The following NAB2 variants were observed in gnomAD, a reference collection of about 807,000 sequenced individuals.
The protein encoded by NAB2 is NGFI-A-binding protein 2.
Under a neutral mutation model 44.2 loss-of-function variants are expected in NAB2, and 9 were observed. That is an observed-to-expected ratio of 0.20 (90% confidence interval 0.12 to 0.36). The LOEUF (loss-of-function observed/expected upper bound fraction) is 0.36. Among genes scored for constraint, NAB2 ranks in the 10% least tolerant of loss-of-function variants. The pLI is 1.00. For synonymous variants in NAB2, 342 were observed against 291.0 expected, an observed-to-expected ratio of 1.18 and a Z score of -1.78; for missense variants, 514 against 709.0, an observed-to-expected ratio of 0.73 and a Z score of 3.12.
chr12:57,095,017 T>G lies in NAB2; in HGVS notation c.*296T>G. ...CCCTCCCTCACACAACACACTCCCA[T>G]TCTCTTTAGGTTTGCACCAGTGGTG... On this transcript the variant is annotated 3_prime_UTR_variant, in exon 7 of 7. Coordinates refer to ENST00000300131, the MANE Select transcript of NAB2 (RefSeq NM_005967.4). 5.0e-6 allele frequency: 2 copies of G among 397,370 alleles called. No homozygotes were observed. The highest frequency in any genetic ancestry group is 4.2e-5 in the Admixed American group (1 of 23,630). The allele number at this position is 397,370 out of a possible 1,614,324, so 24.6% of individuals were successfully genotyped here.
In NAB2 at chr12:57,089,338, C is replaced by G; in HGVS notation, c.67C>G (p.Leu23Val). 6.4e-7 allele frequency: 1 copy of G among 1,573,714 alleles called. No individual in the cohort carries two copies. The highest frequency in any genetic ancestry group is 1.7e-4 in the Middle Eastern group (1 of 5,974). ...PGGGDSARRT[L>V]QPRLKPSARA... ...CGGAGGGGACAGCGCCCGCCGGACCCTGCAGCCCAGACTCAAGTTAGTGGG... is the reference window on the plus strand; with the variant it reads ...CGGAGGGGACAGCGCCCGCCGGACCGTGCAGCCCAGACTCAAGTTAGTGGG... The change falls in exon 1 of 7, where the codon CTG becomes GTG. Residue 23 changes from leucine to valine, a missense_variant. Around this residue, in one of 5 missense-constraint regions of NAB2, gnomAD observed 56 missense variants for 45.5 expected, o/e 1.23. Transcript: ENST00000300131.
At position 57,091,070 on chromosome 12, in the gene NAB2, T is replaced by G; in HGVS notation, c.84-55T>G. The G allele has an allele frequency of 5.0e-6, 7 of 1,409,468 alleles. No homozygotes were observed. The highest frequency in any genetic ancestry group is 6.7e-6 in the Non-Finnish European group (7 of 1,045,220). 87.3% of individuals were successfully genotyped at this position (1,409,468 alleles called of 1,614,324 possible). A position where few individuals can be genotyped will look rare whatever the true frequency, so the allele number is the denominator to read the frequency against. On this transcript the variant is annotated intron_variant, in intron 1 of 6. Transcript: ENST00000300131. This position sits in a 1 kb window ranked among gnomAD's most constrained non-coding sequence, Gnocchi z 7.3. ...GGGAACAATTGTTAGTGTGGGTTGG[T>G]ACCCAGTAGGGGGACTTGCACCGAC...
Position 57,091,134 on chromosome 12 carries a change from C to T in NAB2, c.93C>T (p.Ala31=). The T allele has an allele frequency of 2.6e-6, 4 of 1,516,096 alleles. No homozygotes were observed. Among genetic ancestry groups the T allele is most frequent in the Non-Finnish European group, 3.5e-6 (4 of 1,131,892 alleles). 93.9% of individuals were successfully genotyped at this position (1,516,096 alleles called of 1,614,324 possible). ...TGCCCCTCCTTCTCAGGCCCAGTGCCCGAGCCATGGCACTGCCTCGGACGC... is the reference window on the plus strand; with the variant it reads ...TGCCCCTCCTTCTCAGGCCCAGTGCTCGAGCCATGGCACTGCCTCGGACGC... ...RTLQPRLKPS[A]RAMALPRTLG... is the part of the protein sequence containing the mutation. The change falls in exon 2 of 7, where the codon GCC becomes GCT. Residue 31 remains alanine, a synonymous_variant. Transcript: ENST00000300131. This position sits in a 1 kb window ranked among gnomAD's most constrained non-coding sequence, Gnocchi z 7.3.
chr12:57,091,729 A>G lies in NAB2; in HGVS notation c.688A>G (p.Thr230Ala). 6.2e-7 allele frequency: 1 copy of G among 1,613,832 alleles called. No individual in the cohort carries two copies. The highest frequency in any genetic ancestry group is 8.5e-7 in the Non-Finnish European group (1 of 1,179,868). Residue 230 changes from threonine (T) to alanine (A), a missense_variant, in exon 2 of 7, where the codon ACT becomes GCT. By Grantham distance (58) the Thr-to-Ala change is moderately conservative. Around this residue, in one of 5 missense-constraint regions of NAB2, gnomAD observed 177 missense variants for 200.5 expected, o/e 0.88. Coordinates refer to ENST00000300131, the MANE Select transcript of NAB2 (RefSeq NM_005967.4). This position sits in a 1 kb window ranked among gnomAD's most constrained non-coding sequence, Gnocchi z 7.3. ...GGCTGGGGGGCTGGCAGCAGGTGGG[A>G]CTGGGGGTGGTCCAGACCGACTGGA... is the stretch of plus-strand genomic sequence containing the variant. ...TGAGGLAAGG[T>A]GGGPDRLEPE...
At chr12:57,094,207 A>G (rs2033277397) in intron 6 of NAB2, among the ~76,000 whole-genome samples, 1 of 142,112 alleles carries the variant, frequency 7.0e-6, no homozygotes, top group South Asian at 2.4e-4. Context: ...TGATTTGGCT[A>G]CCAAAAAACT....
At position 57,092,493 on chromosome 12, in the gene NAB2, A is replaced by G; in HGVS notation, c.1003A>G (p.Thr335Ala). The G allele has an allele frequency of 6.2e-7, 1 of 1,614,126 alleles. No homozygotes were observed. The highest frequency in any genetic ancestry group is 8.5e-7 in the Non-Finnish European group (1 of 1,180,016). The change falls in exon 3 of 7, where the codon ACG (threonine) becomes GCG (alanine). Residue 335 changes from threonine to alanine, a missense_variant. Around this residue, in one of 5 missense-constraint regions of NAB2, gnomAD observed 53 missense variants for 108.5 expected, o/e 0.49. Transcript: ENST00000300131. ...TGCCCAGTTCTGCATGAGGGACAAC[A>G]CGCTCTTATTACGGAGAGTGGAGCT... Reference protein sequence around the residue: ...AAAQFCMRDNTLLLRRVELFS... With the variant: ...AAAQFCMRDNALLLRRVELFS...
chr12:57,091,140 C>T lies in NAB2; in HGVS notation c.99C>T (p.Ala33=), dbSNP rs2033177014. Residue 33 remains alanine (A), a synonymous_variant, in exon 2 of 7, where the codon GCC becomes GCT. Coordinates refer to ENST00000300131, the MANE Select transcript of NAB2 (RefSeq NM_005967.4). The surrounding 1 kb of genome is among the most constrained non-coding windows in gnomAD (Gnocchi z 7.3). Reference sequence around the variant, plus strand: ...TCCTTCTCAGGCCCAGTGCCCGAGCCATGGCACTGCCTCGGACGCTGGGGG... The same window carrying T: ...TCCTTCTCAGGCCCAGTGCCCGAGCTATGGCACTGCCTCGGACGCTGGGGG... The part of the protein sequence containing the change: ...LQPRLKPSAR[A]MALPRTLGEL... 1.3e-6 allele frequency: 2 copies of T among 1,518,234 alleles called. No homozygotes were observed. The highest frequency in any genetic ancestry group is 1.3e-5 in the South Asian group (1 of 76,146). 94.0% of individuals were successfully genotyped at this position (1,518,234 alleles called of 1,614,324 possible). A position where few individuals can be genotyped will look rare whatever the true frequency, so the allele number is the denominator to read the frequency against.
chr12:57,091,032 C>G lies in NAB2; in HGVS notation c.84-93C>G. 1 of 1,119,060 alleles carries G rather than the reference C, an allele frequency of 8.9e-7. No individual in the cohort carries two copies. The highest frequency in any genetic ancestry group is 1.3e-6 in the Non-Finnish European group (1 of 794,000). The allele number at this position is 1,119,060 out of a possible 1,614,324, so 69.3% of individuals were successfully genotyped here. On this transcript the variant is annotated intron_variant, in intron 1 of 6. Coordinates refer to ENST00000300131, the MANE Select transcript of NAB2 (RefSeq NM_005967.4). The surrounding 1 kb of genome is among the most constrained non-coding windows in gnomAD (Gnocchi z 7.3). ...TCCAAATGAGGGAGGGGAAGAAAAG[C>G]AGGCAGGAAAGAGGGAACAATTGTT...
rs1329647393 is a variant in NAB2, at chr12:57,092,177, AG to A, written c.957+184del. On this transcript the variant is annotated intron_variant, in intron 2 of 6. Transcript: ENST00000300131. Reference sequence around the variant, plus strand: ...GCCGCAGTGCTTCCATCCTCAGCTGAGGGGGAAGCAGAGATACAGGCAGCAC... The same window carrying A: ...GCCGCAGTGCTTCCATCCTCAGCTGAGGGGAAGCAGAGATACAGGCAGCAC... 12 of 1,176,252 alleles carry A rather than the reference AG, an allele frequency of 1.0e-5. No homozygotes were observed. In the East Asian group the frequency reaches 2.8e-4, roughly 28 times the overall value. 72.9% of individuals were successfully genotyped at this position (1,176,252 alleles called of 1,614,324 possible). A position where few individuals can be genotyped will look rare whatever the true frequency, so the allele number is the denominator to read the frequency against.
chr12:57,090,363 AATCTC>A (rs1272948322), intron 1 of NAB2, among the ~76,000 whole-genome samples: 1 of 152,226 alleles, frequency 6.6e-6, no homozygotes, highest in Non-Finnish European at 1.5e-5. Context: ...GGGCGCCTGT[AATCTC>A]AGCTACTCAG....
At chr12:57,090,624 C>T (rs532385198) in intron 1 of NAB2, among the ~76,000 whole-genome samples, 1 of 152,266 alleles carries the variant, frequency 6.6e-6, no homozygotes, top group East Asian at 1.9e-4. Flanking sequence ...GCTGTGGCCC[C>T]TTCACAGGGA....
At chr12:57,092,350 T>C in intron 2 of NAB2, 98 bp from the exon 3 acceptor site, 1 of 1,495,476 alleles carries the variant, frequency 6.7e-7, no homozygotes, top group South Asian at 1.3e-5. Context: ...GTCTGATGGA[T>C]GGGCCTCATT....
At position 57,091,120 on chromosome 12, in the gene NAB2, C is replaced by T; in HGVS notation, c.84-5C>T. The T allele has an allele frequency of 6.6e-7, 1 of 1,511,484 alleles. No individual in the cohort carries two copies. Among genetic ancestry groups the T allele is most frequent in the Non-Finnish European group, 8.8e-7 (1 of 1,130,146 alleles). The allele number at this position is 1,511,484 out of a possible 1,614,324, so 93.6% of individuals were successfully genotyped here. A position where few individuals can be genotyped will look rare whatever the true frequency, so the allele number is the denominator to read the frequency against. ...CTGCCTCTCTCTTGTGCCCCTCCTTCTCAGGCCCAGTGCCCGAGCCATGGC... is the reference window on the plus strand; with the variant it reads ...CTGCCTCTCTCTTGTGCCCCTCCTTTTCAGGCCCAGTGCCCGAGCCATGGC... On this transcript the variant is annotated splice_polypyrimidine_tract_variant and splice_region_variant and intron_variant, in intron 1 of 6. Coordinates refer to ENST00000300131, the MANE Select transcript of NAB2 (RefSeq NM_005967.4). This position sits in a 1 kb window ranked among gnomAD's most constrained non-coding sequence, Gnocchi z 7.3.
intron 2 of NAB2, 115 bp downstream of exon 2, chr12:57,092,113 A>G: frequency 6.9e-7 from 1 of 1,447,612 alleles, no homozygotes; most frequent in East Asian, 2.4e-5. Flanking sequence ...CCAGGACCCC[A>G]GGCCCTGATC....
intron 6 of NAB2, among the ~76,000 whole-genome samples, chr12:57,093,851 G>A (rs1431101957): frequency 1.3e-5 from 2 of 152,116 alleles, no homozygotes; most frequent in African/African-American, 2.4e-5. Context: ...ACAGAGAAAA[G>A]AGGATGAAGG....
intron 6 of NAB2, among the ~76,000 whole-genome samples, chr12:57,093,953 A>T (rs2033264320): frequency 6.6e-6 from 1 of 152,024 alleles, no homozygotes; most frequent in African/African-American, 2.4e-5. Context: ...GGGTATGGGG[A>T]TGGGGATGCC....
rs2033191137 is a variant in NAB2, at chr12:57,091,708, G to T, written c.667G>T (p.Gly223Trp). ...GGGVPEGTGA[G>W]GLAAGGTGGG... ...AGGAGTCCCTGAGGGGACTGGGGCT[G>T]GGGGGCTGGCAGCAGGTGGGACTGG... The change falls in exon 2 of 7, where the codon GGG becomes TGG. Residue 223 changes from glycine (G) to tryptophan (W), a missense_variant. Coordinates refer to ENST00000300131, the MANE Select transcript of NAB2 (RefSeq NM_005967.4). The surrounding 1 kb of genome is among the most constrained non-coding windows in gnomAD (Gnocchi z 7.3). 6.2e-7 allele frequency: 1 copy of T among 1,613,788 alleles called. No individual in the cohort carries two copies. Among genetic ancestry groups the T allele is most frequent in the East Asian group, 2.2e-5 (1 of 44,868 alleles).
rs137932200 is a variant in NAB2 at position 57,092,169 on chromosome 12, C to CT, written c.957+172dup. On this transcript the variant is annotated intron_variant, in intron 2 of 6. Transcript: ENST00000300131. ...CCCCAGCGGCCGCAGTGCTTCCATC[C>CT]TCAGCTGAGGGGGAAGCAGAGATAC... 2.6e-4 allele frequency: 320 copies of CT among 1,220,218 alleles called. 1 individual carries two copies. The East Asian group carries it at 6.3e-3, about 24-fold the overall frequency. 75.6% of individuals were successfully genotyped at this position (1,220,218 alleles called of 1,614,324 possible).
At position 57,093,188 on chromosome 12, in the gene NAB2, T is replaced by A; in HGVS notation, c.1269T>A (p.His423Gln). The change falls in exon 5 of 7, where the codon CAT becomes CAA. Residue 423 changes from histidine to glutamine, a missense_variant. Transcript: ENST00000300131. ...ASLSGESLDG[H>Q]LQAVGSCPRL... ...TGTCTGGGGAGAGTCTGGATGGACA[T>A]TTGCAGGGTGAGTGTGCCTCAGAAC... The A allele has an allele frequency of 6.2e-7, 1 of 1,605,470 alleles. No homozygotes were observed. The highest frequency in any genetic ancestry group is 8.5e-7 in the Non-Finnish European group (1 of 1,177,698).
Sources: gnomAD v4.1 joint callset for allele counts (sites outside exome capture counted in the v4.1 genomes callset) on GRCh38, gnomAD v4.1.1 for gene constraint, gnomAD v4.1.1 regional missense constraint, Gnocchi (gnomAD v3.1) non-coding constraint, MANE v1.5 for transcripts, NCBI Gene and HGNC (gene_info 2026-07-23, HGNC 2026-07-21) for gene names.